DYM: variants seen among roughly 807,000 people sequenced by gnomAD.
DYM encodes the protein dyggve-Melchior-Clausen syndrome protein.
DYM carries 78 observed loss-of-function variants against 93.1 expected under a neutral mutation model. The ratio of observed to expected loss-of-function variants is 0.84; its 90% CI spans 0.70 to 1.01. The LOEUF (loss-of-function observed/expected upper bound fraction) is 1.01. Ranked by LOEUF, DYM falls within the 50% of genes least tolerant of loss-of-function variation. The probability of loss-of-function intolerance (pLI) is 0.00; values close to 1 mark genes in which losing one functional copy is unlikely to be tolerated. For synonymous variants in DYM, 321 were observed against 319.7 expected (o/e 1.00, Z -0.04); for missense variants, 789 against 845.0 (o/e 0.93, Z 0.82).
intron 8 of DYM, among the ~76,000 whole-genome samples, chr18:49,319,992 G>A (rs1269304594): frequency 2.0e-5 from 3 of 152,112 alleles, no homozygotes; most frequent in African/African-American, 4.8e-5. Context: ...AGTACAAGAG[G>A]GGAAAAATGA....
intron 3 of DYM, 124 bp from the exon 4 acceptor site, chr18:49,379,882 T>C: frequency 1.4e-6 from 1 of 739,520 alleles, no homozygotes; most frequent in South Asian, 1.5e-5. Flanking sequence ...TTACTGTTAA[T>C]TTCATACCTA....
chr18:49,426,545 T>A (rs542800870), intron 2 of DYM, among the ~76,000 whole-genome samples: 2 of 151,224 alleles, frequency 1.3e-5, no homozygotes, highest in African/African-American at 2.4e-5. Flanking sequence ...TAAAGTATAA[T>A]AAAAAATAAT....
At chr18:49,364,262 T>A (rs2066308146) in intron 5 of DYM, among the ~76,000 whole-genome samples, 1 of 152,130 alleles carries the variant, frequency 6.6e-6, no homozygotes, top group South Asian at 2.1e-4. Flanking sequence ...CTGGCCAACA[T>A]GGTGAAACCC....
At chr18:49,194,874 T>C (rs1026918195) in intron 14 of DYM, among the ~76,000 whole-genome samples, 2 of 152,214 alleles carry the variant, frequency 1.3e-5, no homozygotes, top group African/African-American at 4.8e-5. Context: ...GTTTTACCTA[T>C]ATTCCTGAAA....
intron 8 of DYM, among the ~76,000 whole-genome samples, chr18:49,325,585 G>C (rs1264432422): frequency 6.6e-6 from 1 of 152,142 alleles, no homozygotes; most frequent in Non-Finnish European, 1.5e-5. Flanking sequence ...GAGCTACACA[G>C]AGAGCCATAC....
At chr18:49,121,998 T>A (rs1226869135) in intron 15 of DYM, among the ~76,000 whole-genome samples, 1 of 152,228 alleles carries the variant, frequency 6.6e-6, no homozygotes, top group African/African-American at 2.4e-5. Flanking sequence ...TTTTTAATCA[T>A]TCTAAAAGAG....
At chr18:49,364,885 T>G (rs2066377742) in intron 5 of DYM, among the ~76,000 whole-genome samples, 1 of 152,160 alleles carries the variant, frequency 6.6e-6, no homozygotes, top group Non-Finnish European at 1.5e-5. Context: ...TTTCATATCC[T>G]CCATGAAACC....
chr18:49,121,894 C>T (rs2146047663), intron 15 of DYM, among the ~76,000 whole-genome samples: 1 of 152,220 alleles, frequency 6.6e-6, no homozygotes, highest in East Asian at 1.9e-4. Flanking sequence ...TTATTACCTG[C>T]ACTATACAAA....
intron 8 of DYM, among the ~76,000 whole-genome samples, chr18:49,302,854 C>T (rs960886972): frequency 2.0e-5 from 3 of 152,200 alleles, no homozygotes; most frequent in Non-Finnish European, 4.4e-5. Flanking sequence ...CAGGCCATGC[C>T]TCTCCTACTC....
chr18:49,196,016 C>A (rs375754378), intron 14 of DYM, among the ~76,000 whole-genome samples: 1 of 149,220 alleles, frequency 6.7e-6, no homozygotes, highest in African/African-American at 2.5e-5. Flanking sequence ...CTTCACCTCC[C>A]GGGTTCAAGC....
intron 15 of DYM, among the ~76,000 whole-genome samples, chr18:49,140,129 A>G (rs1600079550): frequency 6.6e-6 from 1 of 152,210 alleles, no homozygotes; most frequent in Admixed American, 6.5e-5. Context: ...TACATAAGTA[A>G]CATAATAGTA....
chr18:49,246,886 A>C (rs1405288537), intron 13 of DYM, among the ~76,000 whole-genome samples: 2 of 152,246 alleles, frequency 1.3e-5, no homozygotes, highest in Admixed American at 1.3e-4. Flanking sequence ...TGAAACAGTG[A>C]CAGGTTTTTC....
intron 6 of DYM, among the ~76,000 whole-genome samples, chr18:49,349,717 AG>A (rs1255325814): frequency 3.3e-5 from 5 of 152,346 alleles, no homozygotes; most frequent in African/African-American, 1.2e-4. Flanking sequence ...AAACTTTGGG[AG>A]GCAAAGGCAG....
intron 8 of DYM, among the ~76,000 whole-genome samples, chr18:49,317,578 T>C (rs1338263068): frequency 1.1e-3 from 13 of 11,676 alleles, no homozygotes; most frequent in African/African-American, 8.6e-3. Flanking sequence ...TCTCTCTCTC[T>C]CTCTCTCTCT....
intron 2 of DYM, among the ~76,000 whole-genome samples, chr18:49,430,029 A>T (rs1185576440): frequency 1.3e-5 from 2 of 152,366 alleles, no homozygotes; most frequent in South Asian, 2.1e-4. Flanking sequence ...GATTCAAAAT[A>T]AACTGCTACC....
Position 49,104,379 on chromosome 18 carries a change from CT to C in DYM, c.1912-6865del, listed in dbSNP as rs1283751346. On this transcript the variant is annotated intron_variant, in intron 16 of 17. Coordinates refer to ENST00000675505, the MANE Select transcript of DYM (RefSeq NM_001353214.3). ...GCAAAAAGGGACAATTTGACTTCCT[CT>C]TTTCCTAATTGAATATCCTTTATTT... is the stretch of plus-strand genomic sequence containing the variant. Among the ~76,000 whole-genome samples, 5 of 152,326 alleles carry C rather than the reference CT, an allele frequency of 3.3e-5. No individual in the cohort carries two copies. In the East Asian group the frequency reaches 9.6e-4, roughly 29 times the overall value.
At chr18:49,190,697 A>T (rs1242984454) in intron 14 of DYM, among the ~76,000 whole-genome samples, 2 of 152,168 alleles carry the variant, frequency 1.3e-5, no homozygotes, top group Non-Finnish European at 2.9e-5. Context: ...CAGTGCCTTG[A>T]ACAACACAGG....
Position 49,108,187 on chromosome 18 carries a change from G to C in DYM, c.1911+10557C>G, listed in dbSNP as rs140752747. ...GCTAGCAATGAGCGAGGCTCCATGG[G>C]TGTAGGACCCTCCGAGCCAGGCACG... is the stretch of plus-strand genomic sequence containing the variant. On this transcript the variant is annotated intron_variant, in intron 16 of 17. Transcript: ENST00000675505. Among the ~76,000 whole-genome samples the C allele has an allele frequency of 3.6e-3, 549 of 152,316 alleles. 3 individuals are homozygous for C. Among genetic ancestry groups the C allele is most frequent in the Non-Finnish European group, 5.8e-3 (392 of 68,026 alleles).
At chr18:49,188,976 C>T (rs1474115797) in intron 14 of DYM, among the ~76,000 whole-genome samples, 1 of 152,164 alleles carries the variant, frequency 6.6e-6, no homozygotes, top group Non-Finnish European at 1.5e-5. Flanking sequence ...GGTACACATA[C>T]ACCATGAAAT....
Sources: gnomAD v4.1 joint callset for allele counts (sites outside exome capture counted in the v4.1 genomes callset) on GRCh38, gnomAD v4.1.1 for gene constraint, MANE v1.5 for transcripts, NCBI Gene and HGNC (gene_info 2026-07-23, HGNC 2026-07-21) for gene names.